Variants in MTRF1L observed in about 807,000 individuals in gnomAD.
MTRF1L encodes the protein mitochondrial translation release factor 1 like.
A neutral mutation model predicts 40.0 loss-of-function variants in MTRF1L; 29 were observed. The ratio of observed to expected loss-of-function variants is 0.73; its 90% confidence interval spans 0.54 to 0.99. The LOEUF (loss-of-function observed/expected upper bound fraction) is 0.99, where lower values mean the gene tolerates loss of function less well. Among genes scored for constraint, MTRF1L ranks in the 50% least tolerant of loss-of-function variants. The probability of loss-of-function intolerance (pLI) is 0.00; values close to 1 mark genes in which losing one functional copy is unlikely to be tolerated. For missense variants in MTRF1L, 412 were observed against 464.5 expected, an observed-to-expected ratio of 0.89 and a Z score of 1.04; for synonymous variants, 150 against 175.8, an observed-to-expected ratio of 0.85 and a Z score of 1.16.
chr6:153,002,539 G>A lies in MTRF1L; in HGVS notation c.147C>T (p.Arg49=). 6.2e-7 allele frequency: 1 copy of A among 1,603,298 alleles called. No individual in the cohort carries two copies. Among genetic ancestry groups the A allele is most frequent in the South Asian group, 1.1e-5 (1 of 89,990 alleles). The change falls in exon 1 of 7, where the codon CGC becomes CGT. Residue 49 remains arginine, a synonymous_variant. Coordinates refer to ENST00000367233, the MANE Select transcript of MTRF1L (RefSeq NM_019041.7). ...TCAAATGGGCTTCAGACCCCGCCTG[G>A]CGCTCGAGGAAGGTCCGCAAGGGCC... is the stretch of plus-strand genomic sequence containing the variant. ...RGGPLRTFLE[R]QAGSEAHLKV...
At chr6:152,993,944 C>T (rs1276078194) in intron 4 of MTRF1L, among the ~76,000 whole-genome samples, 1 of 152,194 alleles carries the variant, frequency 6.6e-6, no homozygotes, top group East Asian at 1.9e-4. Context: ...AGCATTCACA[C>T]TTCATTCTGA....
At chr6:152,990,167 G>C (rs925750380) in intron 6 of MTRF1L, 72 bp from the exon 7 acceptor site, 1 of 1,552,664 alleles carries the variant, frequency 6.4e-7, no homozygotes, top group Admixed American at 2.1e-5. Flanking sequence ...AACTTATTTG[G>C]AGACTTAAGT....
chr6:152,998,450 CTAAACAG>C, intron 2 of MTRF1L, 93 bp downstream of exon 2: 1 of 861,718 alleles, frequency 1.2e-6, no homozygotes, highest in East Asian at 2.9e-5. Context: ...CCAGTTTATT[CTAAACAG>C]TAACAAGCTA....
rs989264005 is a variant in MTRF1L at position 152,990,204 on chromosome 6, C to T, written c.943-109G>A. 7 of 1,381,162 alleles carry T rather than the reference C, an allele frequency of 5.1e-6. No individual in the cohort carries two copies. The Admixed American group carries it at 1.4e-4, about 27-fold the overall frequency. The allele number at this position is 1,381,162 out of a possible 1,614,324, so 85.6% of individuals were successfully genotyped here. On this transcript the variant is annotated intron_variant, in intron 6 of 6. Coordinates refer to ENST00000367233, the MANE Select transcript of MTRF1L (RefSeq NM_019041.7). Reference sequence around the variant, plus strand: ...CTTGATTTATAACATGAATCAAATGCGAGAACCAGGTTTTAAACACTTAGA... The same window carrying T: ...CTTGATTTATAACATGAATCAAATGTGAGAACCAGGTTTTAAACACTTAGA...
At chr6:152,994,748 C>A in intron 3 of MTRF1L, 72 bp from the exon 4 acceptor site, 1 of 1,554,196 alleles carries the variant, frequency 6.4e-7, no homozygotes, top group Non-Finnish European at 8.9e-7. Context: ...ATCACATCTA[C>A]TATCTTGAGG....
intron 3 of MTRF1L, 36 bp from the exon 4 acceptor site, chr6:152,994,712 T>C: frequency 1.2e-6 from 2 of 1,609,832 alleles, no homozygotes; most frequent in Non-Finnish European, 1.7e-6. Flanking sequence ...ATTTTTATTA[T>C]TCCTGCCATT....
At chr6:152,995,425 C>A (rs1455762899) in intron 2 of MTRF1L, 106 bp from the exon 3 acceptor site, 24 of 1,032,792 alleles carry the variant, frequency 2.3e-5, no homozygotes, top group Non-Finnish European at 3.2e-5. Context: ...TTTCGCCAAG[C>A]AAATAATGTA....
rs778549296 is a variant in MTRF1L, at chr6:152,989,931, A to C, written c.1107T>G (p.Tyr369Ter). 4 of 1,613,366 alleles carry C rather than the reference A, an allele frequency of 2.5e-6. No individual in the cohort carries two copies. Among genetic ancestry groups the C allele is most frequent in the Non-Finnish European group, 3.4e-6 (4 of 1,179,780 alleles). ...LVQSLKEYAD[Y>*]ESLVEIISQK... ...GGGAAATAATTTCTACTAAAGATTC[A>C]TAATCGGCGTATTCCTTCAATGACT... The change falls in exon 7 of 7, where the codon TAT (tyrosine) becomes TAG (stop). Residue 369 changes from tyrosine to a stop codon, truncating the protein, a stop_gained. Transcript: ENST00000367233. LOFTEE classifies it high-confidence loss of function.
Position 152,994,512 on chromosome 6 carries a change from C to T in MTRF1L, c.687+1G>A. On this transcript the variant is annotated splice_donor_variant, in intron 4 of 6. Coordinates refer to ENST00000367233, the MANE Select transcript of MTRF1L (RefSeq NM_019041.7). LOFTEE classifies it high-confidence loss of function. ...TCCAAGGAGAGGGGCTTATGCCTTACCTCAGTAGGCTGGGGTAATATTGCT... is the reference window on the plus strand; with the variant it reads ...TCCAAGGAGAGGGGCTTATGCCTTATCTCAGTAGGCTGGGGTAATATTGCT... 1 of 1,608,410 alleles carries T rather than the reference C, an allele frequency of 6.2e-7. No individual in the cohort carries two copies. Among genetic ancestry groups the T allele is most frequent in the Non-Finnish European group, 8.5e-7 (1 of 1,177,900 alleles).
chr6:152,999,023 A>C (rs1330181018), intron 1 of MTRF1L, among the ~76,000 whole-genome samples: 1 of 152,196 alleles, frequency 6.6e-6, no homozygotes, highest in African/African-American at 2.4e-5. Context: ...GGGATACAGA[A>C]GGTTACACCA....
rs966808503 is a variant in MTRF1L at position 152,992,981 on chromosome 6, A to C, written c.688-7T>G. 2 of 1,608,602 alleles carry C rather than the reference A, an allele frequency of 1.2e-6. No homozygotes were observed. Among genetic ancestry groups the C allele is most frequent in the Admixed American group, 3.3e-5 (2 of 59,912 alleles). ...GATTAATCACCAGATTAATCTATAC[A>C]GAAGAAAAGTTGGGATTTTAAAAGA... On this transcript the variant is annotated splice_polypyrimidine_tract_variant and splice_region_variant and intron_variant, in intron 4 of 6. Coordinates refer to ENST00000367233, the MANE Select transcript of MTRF1L (RefSeq NM_019041.7).
chr6:152,991,117 T>G lies in MTRF1L; in HGVS notation c.942+68A>C, dbSNP rs1177092903. 4.5e-6 allele frequency: 5 copies of G among 1,119,402 alleles called. No homozygotes were observed. In the African/African-American group the frequency reaches 6.5e-5, roughly 15 times the overall value. The allele number at this position is 1,119,402 out of a possible 1,614,324, so 69.3% of individuals were successfully genotyped here. A position where few individuals can be genotyped will look rare whatever the true frequency, so the allele number is the denominator to read the frequency against. On this transcript the variant is annotated intron_variant, in intron 6 of 6. Transcript: ENST00000367233. ...AACAAATATATAAAAACCAAGTTAT[T>G]TAAAAAAAGCTGAGTTATATAAAAA...
Position 152,992,953 on chromosome 6 carries a change from T to C in MTRF1L, c.709A>G (p.Lys237Glu). Residue 237 changes from lysine to glutamate, a missense_variant, in exon 5 of 7, where the codon AAA becomes GAA. Transcript: ENST00000367233. The stretch of plus-strand genomic sequence containing the variant: ...CGCTTAGTGTCAATTCTCAAATCTT[T>C]CGGATTAATCACCAGATTAATCTAT... Reference protein sequence around the residue: ...PTEINLVINPKDLRIDTKRAS... With the variant: ...PTEINLVINPEDLRIDTKRAS... The C allele has an allele frequency of 6.2e-7, 1 of 1,613,462 alleles. No individual in the cohort carries two copies. The highest frequency in any genetic ancestry group is 8.5e-7 in the Non-Finnish European group (1 of 1,179,952).
At chr6:152,990,365 G>A (rs1228525799) in intron 6 of MTRF1L, 1 of 443,988 alleles carries the variant, frequency 2.3e-6, no homozygotes, top group Non-Finnish European at 4.1e-6. Context: ...GCAAAATACA[G>A]TGTCTACTAC....
At position 152,987,444 on chromosome 6, in the gene MTRF1L, G is replaced by A. The variant is rs1335837284; in HGVS notation, c.*2451C>T. The A allele has an allele frequency of 1.3e-5, 2 of 152,270 alleles. No individual in the cohort carries two copies. The highest frequency in any genetic ancestry group is 3.9e-4 in the East Asian group (2 of 5,178). The allele number at this position is 152,270 out of a possible 1,614,324, so 9.4% of individuals were successfully genotyped here. ...TTACATTGTTGAGCAAAGGAGTGAC[G>A]AGATCAGTCTTGCTTTTTAGAAAGA... On this transcript the variant is annotated 3_prime_UTR_variant, in exon 7 of 7. Transcript: ENST00000367233.
In MTRF1L at chr6:152,998,405, T is replaced by A. The variant is rs568224646; in HGVS notation, c.339+145A>T. The A allele has an allele frequency of 3.9e-4, 209 of 533,796 alleles. 2 individuals are homozygous for A. The Middle Eastern group carries it at 7.1e-3, about 18-fold the overall frequency. 33.1% of individuals were successfully genotyped at this position (533,796 alleles called of 1,614,324 possible). ...ATATGCAATTTTGGGGGTCAATTTA[T>A]ACCTCAATAAATCTAGAAAATAAAT... is the stretch of plus-strand genomic sequence containing the variant. On this transcript the variant is annotated intron_variant, in intron 2 of 6. Coordinates refer to ENST00000367233, the MANE Select transcript of MTRF1L (RefSeq NM_019041.7).
chr6:152,992,124 G>A (rs533348776), intron 5 of MTRF1L, among the ~76,000 whole-genome samples: 7 of 152,196 alleles, frequency 4.6e-5, no homozygotes, highest in Non-Finnish European at 8.8e-5. Context: ...GAACAAAATC[G>A]TTAACAATCC....
In MTRF1L at chr6:153,002,509, G is replaced by A. The variant is rs1313554466; in HGVS notation, c.177C>T (p.Val59=). 4 of 1,612,716 alleles carry A rather than the reference G, an allele frequency of 2.5e-6. No homozygotes were observed. Among genetic ancestry groups the A allele is most frequent in the Non-Finnish European group, 3.4e-6 (4 of 1,179,642 alleles). The change falls in exon 1 of 7, where the codon GTC becomes GTT. Residue 59 remains valine, a synonymous_variant. Transcript: ENST00000367233. The part of the protein sequence containing the change: ...RQAGSEAHLK[V]RRPELLAVIK... ...TCACCGCCAGCAACTCGGGCCTCCTGACCTTCAAATGGGCTTCAGACCCCG... is the reference window on the plus strand; with the variant it reads ...TCACCGCCAGCAACTCGGGCCTCCTAACCTTCAAATGGGCTTCAGACCCCG...
At chr6:153,000,691 T>A (rs962454427) in intron 1 of MTRF1L, among the ~76,000 whole-genome samples, 11 of 152,090 alleles carry the variant, frequency 7.2e-5, no homozygotes, top group Admixed American at 5.2e-4. Context: ...AAAATGCCAT[T>A]TTTATAACTT....
Sources: gnomAD v4.1 joint callset for allele counts (sites outside exome capture counted in the v4.1 genomes callset) on GRCh38, gnomAD v4.1.1 for gene constraint, MANE v1.5 for transcripts, NCBI Gene and HGNC (gene_info 2026-07-23, HGNC 2026-07-21) for gene names.